The following SLC33A2 variants were observed in gnomAD, a reference collection of about 807,000 sequenced individuals.
SLC33A2 encodes the protein major facilitator superfamily domain containing 3.
chr8:144,510,726 A>AG, the SLC33A2 span: 4 of 1,594,092 alleles, frequency 2.5e-6, no homozygotes, highest in South Asian at 3.4e-5. Flanking sequence ...TTGAGAGGTG[A>AG]GGGGCTGGCC....
the SLC33A2 span, chr8:144,510,493 G>A: frequency 2.5e-5 from 40 of 1,612,498 alleles, no homozygotes; most frequent in Admixed American, 3.3e-5. Flanking sequence ...GTGGGACCTT[G>A]CTGGCCAAGC....
the SLC33A2 span, chr8:144,509,652 T>C: frequency 2.1e-5 from 32 of 1,547,372 alleles, no homozygotes; most frequent in East Asian, 4.8e-5. Context: ...GTTGCTGCTG[T>C]TGTTGAACCT....
the SLC33A2 span, chr8:144,509,512 T>C: frequency 3.9e-6 from 6 of 1,530,736 alleles, no homozygotes; most frequent in South Asian, 1.2e-5. Flanking sequence ...GCCCCGCTGG[T>C]GGACGCGCAG....
the SLC33A2 span, chr8:144,511,087 C>T: frequency 6.2e-7 from 1 of 1,609,360 alleles, no homozygotes; most frequent in Non-Finnish European, 8.5e-7. Flanking sequence ...GGGGCCACAT[C>T]CCTGCTTCTT....
At chr8:144,510,964 C>G in the SLC33A2 span, 4 of 1,599,314 alleles carry the variant, frequency 2.5e-6, no homozygotes, top group East Asian at 6.7e-5. Flanking sequence ...TGGGCCTGAC[C>G]TTGACCGTGA....
At chr8:144,510,356 C>G in the SLC33A2 span, 1 of 1,611,822 alleles carries the variant, frequency 6.2e-7, no homozygotes, top group Non-Finnish European at 8.5e-7. Context: ...CCCCACCACC[C>G]AAGGTGAGCA....
At chr8:144,511,206 G>A in the SLC33A2 span, 3 of 1,588,260 alleles carry the variant, frequency 1.9e-6, no homozygotes, top group Non-Finnish European at 1.7e-6. Context: ...ATGTGCCTGT[G>A]GCCCAGATGT....
At chr8:144,510,419 C>A in the SLC33A2 span, 2 of 1,612,886 alleles carry the variant, frequency 1.2e-6, no homozygotes, top group Non-Finnish European at 1.7e-6. Context: ...CGTTTCTGCT[C>A]CCGAGTTGGG....
At chr8:144,509,980 T>G in the SLC33A2 span, 2 of 1,596,236 alleles carry the variant, frequency 1.3e-6, no homozygotes, top group Non-Finnish European at 1.7e-6. Context: ...CCGGGGACCG[T>G]GTGGACGGCA....
the SLC33A2 span, chr8:144,511,090 T>C: frequency 1.9e-6 from 3 of 1,609,426 alleles, no homozygotes; most frequent in East Asian, 4.5e-5. Flanking sequence ...GCCACATCCC[T>C]GCTTCTTGCT....
At chr8:144,509,415 G>C in the SLC33A2 span, 2 of 1,530,590 alleles carry the variant, frequency 1.3e-6, no homozygotes, top group Non-Finnish European at 1.7e-6. Flanking sequence ...CCTCCTGCCA[G>C]TGCTGCTGCG....
the SLC33A2 span, chr8:144,510,051 G>C: frequency 1.9e-6 from 3 of 1,572,262 alleles, no homozygotes; most frequent in East Asian, 4.6e-5. Context: ...CAGCAGTTGG[G>C]GCTTCCGGGA....
chr8:144,510,121 G>A, the SLC33A2 span: 102 of 1,385,784 alleles, frequency 7.4e-5, no homozygotes, highest in Non-Finnish European at 9.0e-5. Flanking sequence ...TCTTTCTGGG[G>A]TATGACCTGC....
the SLC33A2 span, chr8:144,510,683 AC>A: frequency 6.4e-7 from 1 of 1,560,064 alleles, no homozygotes; most frequent in Non-Finnish European, 8.7e-7. Flanking sequence ...CCACCTGGAC[AC>A]CCTGGGGGCC....
chr8:144,510,315 G>T, the SLC33A2 span: 2 of 1,605,026 alleles, frequency 1.2e-6, no homozygotes, highest in East Asian at 4.5e-5. Flanking sequence ...GGAGGTGGGG[G>T]CAGATATGGA....
chr8:144,509,545 C>T, the SLC33A2 span: 3 of 1,520,036 alleles, frequency 2.0e-6, no homozygotes, highest in South Asian at 1.2e-5. Context: ...GCCTGGGTGA[C>T]GCGCAGCACG....
chr8:144,510,913 T>C, the SLC33A2 span: 1 of 1,603,186 alleles, frequency 6.2e-7, no homozygotes, highest in South Asian at 1.1e-5. Context: ...GGTGAGTAGA[T>C]GTAGCAGGGA....
chr8:144,510,654 G>A, the SLC33A2 span: 2 of 1,560,352 alleles, frequency 1.3e-6, no homozygotes, highest in Admixed American at 1.8e-5. Flanking sequence ...GGCCTAGCCT[G>A]TCAGACTGCC....
At chr8:144,510,488 A>G in the SLC33A2 span, 1 of 1,612,388 alleles carries the variant, frequency 6.2e-7, no homozygotes, top group Non-Finnish European at 8.5e-7. Flanking sequence ...CCTGGGTGGG[A>G]CCTTGCTGGC....
Sources: gnomAD v4.1 joint callset for allele counts on GRCh38, gnomAD v4.1.1 for gene constraint, MANE v1.5 for transcripts, NCBI Gene and HGNC (gene_info 2026-07-23, HGNC 2026-07-21) for gene names.